The following KIF20B variants were observed in gnomAD, a reference collection of about 807,000 sequenced individuals.
KIF20B encodes kinesin-like protein KIF20B.
Under a neutral mutation model 232.5 loss-of-function variants are expected in KIF20B, and 188 were observed. The observed-to-expected ratio is 0.81, with a 90% CI of 0.72 to 0.91. The LOEUF (loss-of-function observed/expected upper bound fraction) is 0.91. Ranked by LOEUF, KIF20B falls within the 40% of genes least tolerant of loss-of-function variation. KIF20B has a pLI of 0.00. For synonymous variants in KIF20B, 712 were observed against 683.0 expected, an observed-to-expected ratio of 1.04 and a Z score of -0.66; for missense variants, 2,154 against 2,055.9, an observed-to-expected ratio of 1.05 and a Z score of -0.92.
intron 21 of KIF20B, among the ~76,000 whole-genome samples, chr10:89,740,123 G>A (rs1043907571): frequency 6.6e-6 from 1 of 151,436 alleles, no homozygotes; most frequent in Non-Finnish European, 1.5e-5. Flanking sequence ...GTTTTAATTT[G>A]CATTCTTTTG....
rs1343824202 is a variant in KIF20B, at chr10:89,737,702, A to C, written c.2861A>C (p.Asn954Thr). 6.2e-7 allele frequency: 1 copy of C among 1,613,284 alleles called. No homozygotes were observed. The highest frequency in any genetic ancestry group is 1.1e-5 in the South Asian group (1 of 90,970). The change falls in exon 20 of 33, where the codon AAT becomes ACT. Residue 954 changes from asparagine to threonine, a missense_variant. Coordinates refer to ENST00000371728, the MANE Select transcript of KIF20B (RefSeq NM_001284259.2). Reference protein sequence around the residue: ...IAELHVQKSKNQEQEEKIMKL... With the variant: ...IAELHVQKSKTQEQEEKIMKL... ...GAATTACATGTGCAGAAAAGTAAAA[A>C]TCAAGAACAGGAGGAAAAGATCATG...
chr10:89,762,979 C>A (rs538232618), intron 29 of KIF20B, 144 bp downstream of exon 29: 1 of 634,734 alleles, frequency 1.6e-6, no homozygotes, highest in East Asian at 2.8e-5. Flanking sequence ...ATATTTTATA[C>A]CCTTTAAGGA....
chr10:89,706,259 A>AT (rs1458337020), intron 2 of KIF20B, among the ~76,000 whole-genome samples: 3 of 151,892 alleles, frequency 2.0e-5, no homozygotes, highest in Admixed American at 2.0e-4. Flanking sequence ...ATTCTTGGCC[A>AT]TTTTTCTACT....
intron 19 of KIF20B, among the ~76,000 whole-genome samples, chr10:89,734,410 T>A (rs975556238): frequency 7.2e-5 from 11 of 152,060 alleles, no homozygotes; most frequent in Non-Finnish European, 2.9e-5. Context: ...AAACTGTGTC[T>A]AAAAAAATGA....
At chr10:89,771,863 T>A (rs887239540) in intron 31 of KIF20B, among the ~76,000 whole-genome samples, 1 of 151,934 alleles carries the variant, frequency 6.6e-6, no homozygotes, top group African/African-American at 2.4e-5. Flanking sequence ...GCTGGTGCTT[T>A]CTCAGGTTTA....
intron 26 of KIF20B, among the ~76,000 whole-genome samples, chr10:89,757,040 G>GTGTGTGTGTATATATATA (rs1301847520): frequency 2.8e-4 from 31 of 110,728 alleles, no homozygotes; most frequent in African/African-American, 8.4e-4. Context: ...GTGTGTGTGT[G>GTGTGTGTGTATATATATA]TATATATATA....
At position 89,774,279 on chromosome 10, in the gene KIF20B, TG is replaced by T. The variant is rs746207899; in HGVS notation, c.*233del. On this transcript the variant is annotated 3_prime_UTR_variant, in exon 33 of 33. Transcript: ENST00000371728. ...TGTATTTCCCTATTATCTCAGACAT[TG>T]GATCAGTGAAGATCCTAGGAAAGAG... 5.8e-4 allele frequency: 169 copies of T among 293,628 alleles called. No homozygotes were observed. The highest frequency in any genetic ancestry group is 9.3e-4 in the Non-Finnish European group (148 of 159,114). The allele number at this position is 293,628 out of a possible 1,614,324, so 18.2% of individuals were successfully genotyped here.
chr10:89,702,175 G>T (rs535785393), intron 1 of KIF20B, among the ~76,000 whole-genome samples: 1 of 152,192 alleles, frequency 6.6e-6, no homozygotes, highest in East Asian at 1.9e-4. Context: ...TGAGCAGTTT[G>T]CTCGGCTGGT....
At chr10:89,764,367 G>A (rs1842309573) in intron 29 of KIF20B, among the ~76,000 whole-genome samples, 1 of 152,094 alleles carries the variant, frequency 6.6e-6, no homozygotes. Context: ...ATGTGTGCAT[G>A]TGTCTTTATA....
chr10:89,762,976 A>G, intron 29 of KIF20B, 141 bp downstream of exon 29: 2 of 649,806 alleles, frequency 3.1e-6, no homozygotes, highest in Non-Finnish European at 5.3e-6. Context: ...GCTATATTTT[A>G]TACCCTTTAA....
chr10:89,757,705 G>C (rs1842157158), intron 26 of KIF20B, among the ~76,000 whole-genome samples: 1 of 151,856 alleles, frequency 6.6e-6, no homozygotes, highest in Admixed American at 6.6e-5. Flanking sequence ...GTTTTAATGT[G>C]AATTACCAAT....
At chr10:89,740,744 T>C (rs888749692) in intron 21 of KIF20B, among the ~76,000 whole-genome samples, 1 of 152,190 alleles carries the variant, frequency 6.6e-6, no homozygotes, top group Non-Finnish European at 1.5e-5. Context: ...CACTGTAACT[T>C]TGAACTCCTG....
At chr10:89,736,671 C>A (rs1841661253) in intron 19 of KIF20B, among the ~76,000 whole-genome samples, 1 of 152,098 alleles carries the variant, frequency 6.6e-6, no homozygotes, top group Non-Finnish European at 1.5e-5. Context: ...TATGCATTTT[C>A]AATTAGTTGA....
At chr10:89,769,693 A>G (rs1414258923) in intron 31 of KIF20B, among the ~76,000 whole-genome samples, 3 of 152,018 alleles carry the variant, frequency 2.0e-5, no homozygotes, top group Non-Finnish European at 2.9e-5. Context: ...ACATGTGTGC[A>G]CATATGCGGA....
rs1385040934 is a variant in KIF20B, at chr10:89,705,336, T to G, written c.42T>G (p.Ser14=). The G allele has an allele frequency of 6.2e-7, 1 of 1,613,938 alleles. No homozygotes were observed. The highest frequency in any genetic ancestry group is 8.5e-7 in the Non-Finnish European group (1 of 1,179,944). The change falls in exon 2 of 33, where the codon TCT becomes TCG. Residue 14 remains serine, a synonymous_variant. Coordinates refer to ENST00000371728, the MANE Select transcript of KIF20B (RefSeq NM_001284259.2). ...ATCAAGAGGGAGTACCTCGACCATC[T>G]TATGTTTTTAGTGCTGACCCAATTG... The part of the protein sequence containing the change: ...NFNQEGVPRP[S]YVFSADPIAR...
chr10:89,730,832 A>G (rs1016301487), intron 18 of KIF20B, among the ~76,000 whole-genome samples: 6 of 152,192 alleles, frequency 3.9e-5, no homozygotes, highest in African/African-American at 1.2e-4. Flanking sequence ...GAGGAATAGC[A>G]AAGAGGAGTT....
chr10:89,738,245 T>C lies in KIF20B; in HGVS notation c.3404T>C (p.Leu1135Pro), dbSNP rs568672822. 15 of 1,606,844 alleles carry C rather than the reference T, an allele frequency of 9.3e-6. No individual in the cohort carries two copies. Among genetic ancestry groups the C allele is most frequent in the Non-Finnish European group, 1.3e-5 (15 of 1,178,380 alleles). ...GAATTGCAAGAAAAAAATGTTACTCTTGATGTTCAAATACAGCATGTAGTT... is the reference window on the plus strand; with the variant it reads ...GAATTGCAAGAAAAAAATGTTACTCCTGATGTTCAAATACAGCATGTAGTT... ...KEELQEKNVTLDVQIQHVVEG... is the reference protein window; with the variant it reads ...KEELQEKNVTPDVQIQHVVEG... Residue 1135 changes from leucine (L) to proline (P), a missense_variant, in exon 20 of 33, where the codon CTT becomes CCT. Coordinates refer to ENST00000371728, the MANE Select transcript of KIF20B (RefSeq NM_001284259.2).
At chr10:89,735,907 A>T (rs960209287) in intron 19 of KIF20B, among the ~76,000 whole-genome samples, 1 of 152,198 alleles carries the variant, frequency 6.6e-6, no homozygotes, top group Admixed American at 6.5e-5. Context: ...TTCTGCTCTT[A>T]TAGATTAGTA....
At position 89,725,066 on chromosome 10, in the gene KIF20B, C is replaced by A. The variant is rs375544106; in HGVS notation, c.1909C>A (p.Arg637Ser). 1 of 1,613,374 alleles carries A rather than the reference C, an allele frequency of 6.2e-7. No individual in the cohort carries two copies. The highest frequency in any genetic ancestry group is 8.5e-7 in the Non-Finnish European group (1 of 1,179,590). ...EREILEENAE[R>S]RLAIFKDLVG... ...AGAGATATTAGAAGAAAATGCTGAA[C>A]GTCGTTTGGCTATCTTCAAGGATTT... is the stretch of plus-strand genomic sequence containing the variant. The change falls in exon 15 of 33, where the codon CGT becomes AGT. Residue 637 changes from arginine to serine, a missense_variant. Coordinates refer to ENST00000371728, the MANE Select transcript of KIF20B (RefSeq NM_001284259.2).
Sources: allele counts gnomAD v4.1 joint callset (sites outside exome capture counted in the v4.1 genomes callset), GRCh38; gene constraint gnomAD v4.1.1; transcripts MANE v1.5; gene names NCBI Gene and HGNC (gene_info 2026-07-23, HGNC 2026-07-21).